The following PLEKHM3 variants were observed in gnomAD, a reference collection of about 807,000 sequenced individuals.
PLEKHM3 encodes pleckstrin homology domain-containing family M member 3.
PLEKHM3 carries 45 observed loss-of-function variants against 81.8 expected under a neutral mutation model. The observed-to-expected ratio is 0.55, with a 90% CI of 0.43 to 0.71. PLEKHM3 has a LOEUF of 0.71. Among genes scored for constraint, PLEKHM3 ranks in the 30% least tolerant of loss-of-function variants. The probability of loss-of-function intolerance (pLI) is 0.00; values close to 1 mark genes in which losing one functional copy is unlikely to be tolerated. For missense variants in PLEKHM3, 788 were observed against 924.3 expected, an observed-to-expected ratio of 0.85 and a Z score of 1.91; for synonymous variants, 352 against 356.4, an observed-to-expected ratio of 0.99 and a Z score of 0.14.
rs1217108107 is a variant in PLEKHM3, at chr2:207,976,826, C to T, written c.1371G>A (p.Val457=). 5.0e-6 allele frequency: 8 copies of T among 1,614,114 alleles called. No individual in the cohort carries two copies. Among genetic ancestry groups the T allele is most frequent in the Non-Finnish European group, 6.8e-6 (8 of 1,180,050 alleles). ...GCAGGTTTTGCTCTGAACTCCTCGC[C>T]ACATTGGCAGCTATCTTCAGAGCCT... ...WMEALKIAAN[V]ARSSEQNLQV... The change falls in exon 3 of 8, where the codon GTG becomes GTA. Residue 457 remains valine, a synonymous_variant. Transcript: ENST00000427836. The surrounding 1 kb of genome is among the most constrained non-coding windows in gnomAD (Gnocchi z 4.1).
At chr2:208,011,010 G>C (rs1382941951) in intron 1 of PLEKHM3, among the ~76,000 whole-genome samples, 2 of 146,458 alleles carry the variant, frequency 1.4e-5, no homozygotes, top group Non-Finnish European at 3.0e-5. Context: ...TCAGGGAAAT[G>C]CAAACCAAAA....
In PLEKHM3 at chr2:207,927,721, C is replaced by T. The variant is rs1333734063; in HGVS notation, c.1886+3205G>A. 6.2e-5 allele frequency among the ~76,000 whole-genome samples: 9 copies of T among 145,850 alleles called. No homozygotes were observed. The East Asian group carries it at 6.3e-4, about 10-fold the overall frequency. On this transcript the variant is annotated intron_variant, in intron 5 of 7. Transcript: ENST00000427836. Reference sequence around the variant, plus strand: ...GGCACATGCCTGTAATCCCAGCTACCCAGGAGGCTGAGGCAGGAGAATTGC... The same window carrying T: ...GGCACATGCCTGTAATCCCAGCTACTCAGGAGGCTGAGGCAGGAGAATTGC...
intron 2 of PLEKHM3, among the ~76,000 whole-genome samples, chr2:207,985,603 G>A (rs1691689110): frequency 6.6e-6 from 1 of 151,850 alleles, no homozygotes; most frequent in Non-Finnish European, 1.5e-5. Flanking sequence ...AAGTAATTAG[G>A]TATGTTCACA....
At chr2:207,987,572 G>A (rs1298038061) in intron 2 of PLEKHM3, among the ~76,000 whole-genome samples, 1 of 152,200 alleles carries the variant, frequency 6.6e-6, no homozygotes, top group Non-Finnish European at 1.5e-5. Flanking sequence ...TGTTGCTGTG[G>A]TAGGTAATAA....
chr2:207,907,170 C>G (rs537247869), intron 6 of PLEKHM3, among the ~76,000 whole-genome samples: 1 of 152,132 alleles, frequency 6.6e-6, no homozygotes, highest in South Asian at 2.1e-4. Flanking sequence ...ACACAAAAGG[C>G]CAGTTTCTTC....
chr2:207,983,590 G>A (rs201651261), intron 2 of PLEKHM3, among the ~76,000 whole-genome samples: 43 of 145,340 alleles, frequency 3.0e-4, no homozygotes, highest in Non-Finnish European at 3.0e-4. Flanking sequence ...CCATGAAAAA[G>A]AAAAAAAAAA....
chr2:207,880,410 G>GA (rs11458180), intron 6 of PLEKHM3, among the ~76,000 whole-genome samples: 83,583 of 131,298 alleles, frequency 0.64, 25,297 homozygotes, highest in African/African-American at 0.73. Context: ...CTGTCTAAAA[G>GA]AAAAAAAAAA....
At chr2:207,911,429 C>A (rs1574398187) in intron 5 of PLEKHM3, among the ~76,000 whole-genome samples, 1 of 152,270 alleles carries the variant, frequency 6.6e-6, no homozygotes, top group East Asian at 1.9e-4. Context: ...TCTTACATAA[C>A]CATGGCATAT....
chr2:208,024,389 A>C (rs187144844), intron 1 of PLEKHM3, among the ~76,000 whole-genome samples: 102 of 152,206 alleles, frequency 6.7e-4, no homozygotes, highest in African/African-American at 2.2e-3. Flanking sequence ...ACTCATCAGG[A>C]ATTAGTATCA....
At chr2:207,993,327 T>A (rs1246695105) in intron 2 of PLEKHM3, among the ~76,000 whole-genome samples, 1 of 152,158 alleles carries the variant, frequency 6.6e-6, no homozygotes, top group Non-Finnish European at 1.5e-5. Context: ...TAGCAACTTC[T>A]TTGTACTGAC....
intron 4 of PLEKHM3, among the ~76,000 whole-genome samples, chr2:207,945,693 C>T (rs566978054): frequency 2.0e-5 from 3 of 152,182 alleles, no homozygotes; most frequent in African/African-American, 7.2e-5. Context: ...TTTGAGGTCA[C>T]GAGTTTGAGA....
Position 208,001,172 on chromosome 2 carries a change from T to C in PLEKHM3, c.468A>G (p.Gln156=). 1.2e-6 allele frequency: 2 copies of C among 1,614,098 alleles called. No homozygotes were observed. Among genetic ancestry groups the C allele is most frequent in the South Asian group, 1.1e-5 (1 of 91,082 alleles). Residue 156 remains glutamine (Q), a synonymous_variant, in exon 2 of 8, where the codon CAA becomes CAG. Transcript: ENST00000427836. ...TTTTGAGGACTACCCTCCAGTCCAC[T>C]TGGGTAATATCTGATCGTGATCGAG... The part of the protein sequence containing the change: ...GHARSRSDIT[Q]VDWRVVLKTT...
intron 5 of PLEKHM3, among the ~76,000 whole-genome samples, chr2:207,916,757 A>C (rs1335739309): frequency 6.6e-6 from 1 of 152,096 alleles, no homozygotes; most frequent in Non-Finnish European, 1.5e-5. Context: ...CAAAAAAAGA[A>C]AAAAAAAGAA....
chr2:208,019,471 C>T (rs553495090), intron 1 of PLEKHM3, among the ~76,000 whole-genome samples: 3 of 152,304 alleles, frequency 2.0e-5, no homozygotes, highest in African/African-American at 7.2e-5. Context: ...ATTCAGCTGT[C>T]CAGTCCTTGA....
chr2:207,989,405 T>C (rs955056756), intron 2 of PLEKHM3, among the ~76,000 whole-genome samples: 3 of 152,182 alleles, frequency 2.0e-5, no homozygotes, highest in Non-Finnish European at 2.9e-5. Flanking sequence ...CAGGATAGAA[T>C]TGATATTCAG....
At chr2:207,928,012 A>C (rs2718669) in intron 5 of PLEKHM3, among the ~76,000 whole-genome samples, 48,969 of 151,952 alleles carry the variant, frequency 0.32, 8,028 homozygotes, top group Middle Eastern at 0.42. Context: ...GATTTAAAAA[A>C]AATTCAATAA....
chr2:207,824,021 G>A lies in PLEKHM3; in HGVS notation c.*4298C>T, dbSNP rs1460885674. 1.3e-5 allele frequency: 2 copies of A among 152,208 alleles called. No individual in the cohort carries two copies. Among genetic ancestry groups the A allele is most frequent in the African/African-American group, 2.4e-5 (1 of 41,436 alleles). 9.4% of individuals were successfully genotyped at this position (152,208 alleles called of 1,614,324 possible). On this transcript the variant is annotated 3_prime_UTR_variant, in exon 8 of 8. Coordinates refer to ENST00000427836, the MANE Select transcript of PLEKHM3 (RefSeq NM_001080475.3). ...TGTCTGTTTACATTAACCGAGCAGA[G>A]CTTAGTCACCCATCACTGGATTCGA...
At chr2:207,920,653 A>ATTTT (rs58599860) in intron 5 of PLEKHM3, among the ~76,000 whole-genome samples, 1 of 138,946 alleles carries the variant, frequency 7.2e-6, no homozygotes, top group Non-Finnish European at 1.6e-5. Context: ...CAGTTTGCCT[A>ATTTT]TTTTTTTTTT....
At chr2:207,877,524 G>T (rs577213217) in intron 6 of PLEKHM3, among the ~76,000 whole-genome samples, 1 of 152,246 alleles carries the variant, frequency 6.6e-6, no homozygotes, top group South Asian at 2.1e-4. Context: ...TGAAGAAAAA[G>T]GATTTTACTT....
Sources: allele counts gnomAD v4.1 joint callset (sites outside exome capture counted in the v4.1 genomes callset), GRCh38; gene constraint gnomAD v4.1.1; non-coding constraint Gnocchi (gnomAD v3.1); transcripts MANE v1.5; gene names NCBI Gene and HGNC (gene_info 2026-07-23, HGNC 2026-07-21).